SDK1: variants seen among roughly 807,000 people sequenced by gnomAD.
SDK1 encodes the protein protein sidekick-1.
SDK1 carries 157 observed loss-of-function variants against 245.5 expected under a neutral mutation model. That is an observed-to-expected ratio of 0.64 (90% CI 0.56 to 0.73). The LOEUF (loss-of-function observed/expected upper bound fraction) is 0.73. SDK1 is among the 30% of genes least tolerant of loss of function. SDK1 has a pLI of 0.00. For missense variants in SDK1, 3,583 were observed against 3,002.3 expected, an observed-to-expected ratio of 1.19 and a Z score of -4.52; for synonymous variants, 1,647 against 1,278.5, an observed-to-expected ratio of 1.29 and a Z score of -6.15.
intron 1 of SDK1, among the ~76,000 whole-genome samples, chr7:3,387,354 G>C (rs569024082): frequency 1.3e-5 from 2 of 152,222 alleles, no homozygotes; most frequent in Non-Finnish European, 2.9e-5. Context: ...AAGTCCAGAG[G>C]TGGGCTGTCT....
intron 1 of SDK1, among the ~76,000 whole-genome samples, chr7:3,325,744 C>G (rs1274000538): frequency 3.3e-5 from 5 of 152,126 alleles, no homozygotes; most frequent in African/African-American, 1.2e-4. Context: ...TAATGTGTTA[C>G]AAATTTTTTA....
At chr7:3,750,424 T>A (rs1353856062) in intron 4 of SDK1, among the ~76,000 whole-genome samples, 1 of 152,230 alleles carries the variant, frequency 6.6e-6, no homozygotes, top group African/African-American at 2.4e-5. Context: ...GAGAATCAAC[T>A]CTTCAGTGAT....
chr7:4,200,987 C>T (rs890685075), intron 35 of SDK1, among the ~76,000 whole-genome samples: 1 of 152,206 alleles, frequency 6.6e-6, no homozygotes, highest in African/African-American at 2.4e-5. Flanking sequence ...TCCTTACGTC[C>T]CTCAGCTCAT....
chr7:3,817,882 T>A (rs1309795631), intron 4 of SDK1, among the ~76,000 whole-genome samples: 1 of 152,204 alleles, frequency 6.6e-6, no homozygotes, highest in Non-Finnish European at 1.5e-5. Context: ...TCACTGGAAA[T>A]GGTCTTCCTT....
intron 4 of SDK1, among the ~76,000 whole-genome samples, chr7:3,752,876 TACCC>T (rs1347559225): frequency 1.3e-5 from 2 of 152,238 alleles, no homozygotes; most frequent in Admixed American, 6.5e-5. Flanking sequence ...GTCTTGGAAA[TACCC>T]ACAGTATTTG....
intron 4 of SDK1, among the ~76,000 whole-genome samples, chr7:3,696,932 A>G (rs1019700255): frequency 1.3e-5 from 2 of 152,080 alleles, no homozygotes; most frequent in African/African-American, 2.4e-5. Context: ...CTCATAAGTA[A>G]TACGGTTTAT....
chr7:3,617,790 G>T (rs1031830427), intron 1 of SDK1, among the ~76,000 whole-genome samples: 26 of 152,264 alleles, frequency 1.7e-4, no homozygotes, highest in East Asian at 1.9e-4. Flanking sequence ...GAGCCTGCAT[G>T]ACCTAATCAT....
intron 1 of SDK1, among the ~76,000 whole-genome samples, chr7:3,476,656 T>C (rs991002247): frequency 2.6e-5 from 4 of 152,214 alleles, no homozygotes; most frequent in African/African-American, 9.6e-5. Flanking sequence ...ATTTAGTATT[T>C]TTATATAGTT....
chr7:3,562,986 A>G (rs1023405295), intron 1 of SDK1, among the ~76,000 whole-genome samples: 1 of 151,394 alleles, frequency 6.6e-6, no homozygotes, highest in Non-Finnish European at 1.5e-5. Context: ...AGGCTAGGAC[A>G]TAAGAAAACA....
intron 40 of SDK1, among the ~76,000 whole-genome samples, chr7:4,223,999 A>G (rs927463456): frequency 6.6e-6 from 1 of 152,162 alleles, no homozygotes; most frequent in African/African-American, 2.4e-5. Context: ...AACGGTGGCC[A>G]CAGGTCACCT....
chr7:4,011,431 T>G (rs1022227810), intron 15 of SDK1, among the ~76,000 whole-genome samples: 12 of 152,220 alleles, frequency 7.9e-5, no homozygotes, highest in Admixed American at 7.2e-4. Flanking sequence ...GTTTTCCGTG[T>G]TCTTTGTCCA....
chr7:3,657,193 G>A (rs533021436), intron 4 of SDK1, among the ~76,000 whole-genome samples: 2 of 152,300 alleles, frequency 1.3e-5, no homozygotes, highest in East Asian at 1.9e-4. Context: ...CAGGGCATTC[G>A]TGCACCTTAG....
intron 1 of SDK1, among the ~76,000 whole-genome samples, chr7:3,485,685 T>TTG (rs1417005913): frequency 2.3e-5 from 3 of 132,404 alleles, no homozygotes; most frequent in African/African-American, 9.1e-5. Context: ...TTTGGAGGGT[T>TTG]TTTTTTTTTT....
At chr7:3,307,588 G>T (rs757344634) in intron 1 of SDK1, among the ~76,000 whole-genome samples, 2 of 152,168 alleles carry the variant, frequency 1.3e-5, no homozygotes, top group Non-Finnish European at 2.9e-5. Context: ...TTAGGTGGTT[G>T]GCTTCCTGAC....
chr7:3,756,577 C>G (rs1347905923), intron 4 of SDK1, among the ~76,000 whole-genome samples: 5 of 151,294 alleles, frequency 3.3e-5, no homozygotes, highest in South Asian at 2.1e-4. Context: ...AAAGAAAATG[C>G]TCAACTTTAT....
At chr7:3,563,581 CAG>C (rs1429719034) in intron 1 of SDK1, among the ~76,000 whole-genome samples, 1 of 152,146 alleles carries the variant, frequency 6.6e-6, no homozygotes, top group Non-Finnish European at 1.5e-5. Flanking sequence ...GACAGAATTG[CAG>C]AGAGACATCA....
intron 8 of SDK1, 145 bp downstream of exon 8, chr7:3,959,159 G>A (rs1451767310): frequency 1.5e-6 from 1 of 685,628 alleles, no homozygotes; most frequent in Non-Finnish European, 2.6e-6. Context: ...CGGTCTTGGG[G>A]CAGTGACTGT....
intron 17 of SDK1, among the ~76,000 whole-genome samples, chr7:4,031,496 T>G (rs1441195388): frequency 1.3e-5 from 2 of 151,962 alleles, no homozygotes; most frequent in Non-Finnish European, 2.9e-5. Context: ...TGTATAAACA[T>G]TAGAGCAAAA....
rs372714298 is a variant in SDK1, at chr7:3,398,281, GT to G, written c.298+96399del. The stretch of plus-strand genomic sequence containing the variant: ...GCAGCTATTTTAGTTGTAATCCACT[GT>G]TGTTCTATTAGAGCCCTGTTGATGT... On this transcript the variant is annotated intron_variant, in intron 1 of 44. Coordinates refer to ENST00000404826, the MANE Select transcript of SDK1 (RefSeq NM_152744.4). 8.3e-4 allele frequency among the ~76,000 whole-genome samples: 126 copies of G among 152,218 alleles called. 1 individual carries two copies. The highest frequency in any genetic ancestry group is 2.8e-3 in the African/African-American group (118 of 41,544).
Sources: gnomAD v4.1 joint callset for allele counts (sites outside exome capture counted in the v4.1 genomes callset) on GRCh38, gnomAD v4.1.1 for gene constraint, MANE v1.5 for transcripts, NCBI Gene and HGNC (gene_info 2026-07-23, HGNC 2026-07-21) for gene names.